The following EPHA2 variants were observed in gnomAD, a reference collection of about 807,000 sequenced individuals.
EPHA2 encodes the protein EPH receptor A2.
Under a neutral mutation model 104.9 loss-of-function variants are expected in EPHA2, and 54 were observed. The observed-to-expected ratio is 0.51, with a 90% CI of 0.41 to 0.65. The LOEUF is 0.65. EPHA2 is among the 30% of genes least tolerant of loss of function. The pLI is 0.00. For synonymous variants in EPHA2, 560 were observed against 559.1 expected, an observed-to-expected ratio of 1.00 and a Z score of -0.02; for missense variants, 1,117 against 1,369.5, an observed-to-expected ratio of 0.82 and a Z score of 2.91.
Position 16,155,911 on chromosome 1 carries a change from C to A in EPHA2, c.22G>T (p.Ala8Ser). Residue 8 changes from alanine (A) to serine (S), a missense_variant, in exon 1 of 17, where the codon GCC (alanine) becomes TCC (serine). Physicochemically the swap from Ala to Ser is moderately conservative, Grantham distance 99 (BLOSUM62 1). This residue lies in a region of EPHA2 where 664 missense variants were observed against 784.8 expected (regional missense o/e 0.85). Coordinates refer to ENST00000358432, the MANE Select transcript of EPHA2 (RefSeq NM_004431.5). Reference protein sequence around the residue: MELQAARACFALLWGCAL... With the variant: MELQAARSCFALLWGCAL... ...CAGCCCCACAGCAGGGCGAAGCAGG[C>A]GCGGGCTGCCTGGAGCTCCATGCCG... The A allele has an allele frequency of 6.7e-7, 1 of 1,488,768 alleles. No homozygotes were observed. The highest frequency in any genetic ancestry group is 8.9e-7 in the Non-Finnish European group (1 of 1,127,000). The allele number at this position is 1,488,768 out of a possible 1,614,324, so 92.2% of individuals were successfully genotyped here.
At chr1:16,151,886 GTCTTCCCT>G (rs1376359980) in intron 1 of EPHA2, among the ~76,000 whole-genome samples, 2 of 152,174 alleles carry the variant, frequency 1.3e-5, no homozygotes, top group Non-Finnish European at 2.9e-5. Context: ...CACTCCCGGG[GTCTTCCCT>G]AGACCTAGTC....
At chr1:16,137,813 G>T in intron 5 of EPHA2, 40 bp downstream of exon 5, 2 of 1,610,426 alleles carry the variant, frequency 1.2e-6, no homozygotes, top group Non-Finnish European at 1.7e-6. Flanking sequence ...CCCCACCTGG[G>T]CAGGCCCCAT....
Position 16,130,129 on chromosome 1 carries a change from C to G in EPHA2, c.2669+97G>C, listed in dbSNP as rs768820504. 62 of 1,537,070 alleles carry G rather than the reference C, an allele frequency of 4.0e-5. No individual in the cohort carries two copies. Among genetic ancestry groups the G allele is most frequent in the South Asian group, 2.7e-4 (24 of 87,786 alleles). ...TAACCTCTTAGCCCCCAGCACCCCC[C>G]CTACCAGCTTCACCTGGGTGGCCAC... On this transcript the variant is annotated intron_variant, in intron 15 of 16. Transcript: ENST00000358432. This position sits in a 1 kb window ranked among gnomAD's most constrained non-coding sequence, Gnocchi z 4.5.
Position 16,137,987 on chromosome 1 carries a change from G to A in EPHA2, c.1178C>T (p.Thr393Ile). Reference protein sequence around the residue: ...VRYSEPPHGLTRTSVTVSDLE... With the variant: ...VRYSEPPHGLIRTSVTVSDLE... Reference sequence around the variant, plus strand: ...GTCGCTCACTGTCACACTGGTGCGGGTCAGTCCGTGAGGAGGCTCCGAGTA... The same window carrying A: ...GTCGCTCACTGTCACACTGGTGCGGATCAGTCCGTGAGGAGGCTCCGAGTA... The change falls in exon 5 of 17, where the codon ACC (threonine) becomes ATC (isoleucine). Residue 393 changes from threonine to isoleucine, a missense_variant. Thr to Ile is a moderately conservative substitution (Grantham distance 89, BLOSUM62 -1). Around this residue, in one of 3 missense-constraint regions of EPHA2, gnomAD observed 664 missense variants for 784.8 expected, o/e 0.85. Coordinates refer to ENST00000358432, the MANE Select transcript of EPHA2 (RefSeq NM_004431.5). The A allele has an allele frequency of 1.2e-6, 2 of 1,614,114 alleles. No individual in the cohort carries two copies. Among genetic ancestry groups the A allele is most frequent in the Non-Finnish European group, 1.7e-6 (2 of 1,180,044 alleles).
chr1:16,137,654 G>A lies in EPHA2; in HGVS notation c.1312+199C>T, dbSNP rs181499355. Among the ~76,000 whole-genome samples the A allele has an allele frequency of 7.2e-5, 11 of 152,366 alleles. No homozygotes were observed. In the South Asian group the frequency reaches 8.3e-4, roughly 11 times the overall value. Reference sequence around the variant, plus strand: ...ATCATAATGTTTTAAGATAATTTACGAATTTGTGTTGGGCCGCATTCAATG... The same window carrying A: ...ATCATAATGTTTTAAGATAATTTACAAATTTGTGTTGGGCCGCATTCAATG... On this transcript the variant is annotated intron_variant, in intron 5 of 16. Transcript: ENST00000358432.
chr1:16,135,595 G>A lies in EPHA2; in HGVS notation c.1428+60C>T. 1 of 1,497,524 alleles carries A rather than the reference G, an allele frequency of 6.7e-7. No homozygotes were observed. Among genetic ancestry groups the A allele is most frequent in the Non-Finnish European group, 9.3e-7 (1 of 1,074,412 alleles). 92.8% of individuals were successfully genotyped at this position (1,497,524 alleles called of 1,614,324 possible). Reference sequence around the variant, plus strand: ...TGGGTGGTTTGGTGATCATCTATGTGACCAGCCTGTCCCCTGCTGTCGGCC... The same window carrying A: ...TGGGTGGTTTGGTGATCATCTATGTAACCAGCCTGTCCCCTGCTGTCGGCC... On this transcript the variant is annotated intron_variant, in intron 6 of 16. Transcript: ENST00000358432. The surrounding 1 kb of genome is among the most constrained non-coding windows in gnomAD (Gnocchi z 4.3).
Position 16,148,488 on chromosome 1 carries a change from G to C in EPHA2, c.713C>G (p.Pro238Arg), listed in dbSNP as rs750596455. The stretch of plus-strand genomic sequence containing the variant: ...GTGCATACGGGGCTCTTCACCCCCC[G>C]GTGGCACCACGGCATGGTCCACACA... ...GTCVDHAVVP[P>R]GGEEPRMHCA... The change falls in exon 3 of 17, where the codon CCG (proline) becomes CGG (arginine). Residue 238 changes from proline (P) to arginine (R), a missense_variant. Physicochemically the swap from Pro to Arg is moderately radical, Grantham distance 103. Coordinates refer to ENST00000358432, the MANE Select transcript of EPHA2 (RefSeq NM_004431.5). This position sits in a 1 kb window ranked among gnomAD's most constrained non-coding sequence, Gnocchi z 4.9. 6.2e-7 allele frequency: 1 copy of C among 1,613,798 alleles called. No individual in the cohort carries two copies. Among genetic ancestry groups the C allele is most frequent in the Middle Eastern group, 1.6e-4 (1 of 6,062 alleles).
Position 16,130,160 on chromosome 1 carries a change from C to G in EPHA2, c.2669+66G>C. ...AGCTTCACCTGGGTGGCCACTCTAC[C>G]GAAGTGGTTCAAGAGTCTGCAGAAG... On this transcript the variant is annotated intron_variant, in intron 15 of 16. Transcript: ENST00000358432. The surrounding 1 kb of genome is among the most constrained non-coding windows in gnomAD (Gnocchi z 4.5). 2 of 1,607,350 alleles carry G rather than the reference C, an allele frequency of 1.2e-6. No individual in the cohort carries two copies. The highest frequency in any genetic ancestry group is 1.7e-6 in the Non-Finnish European group (2 of 1,174,540).
chr1:16,139,219 G>A (rs930825932), intron 3 of EPHA2, among the ~76,000 whole-genome samples: 1 of 152,194 alleles, frequency 6.6e-6, no homozygotes, highest in Non-Finnish European at 1.5e-5. Flanking sequence ...TCCCGCCCCT[G>A]CCCTAAGCCC....
Position 16,133,605 on chromosome 1 carries a change from T to C in EPHA2, c.1740A>G (p.Glu580=), listed in dbSNP as rs2024622655. The C allele has an allele frequency of 6.2e-7, 1 of 1,613,834 alleles. No individual in the cohort carries two copies. The highest frequency in any genetic ancestry group is 8.5e-7 in the Non-Finnish European group (1 of 1,179,966). Residue 580 remains glutamate (E), a splice_region_variant and synonymous_variant, in exon 10 of 17, where the codon GAA becomes GAG. Coordinates refer to ENST00000358432, the MANE Select transcript of EPHA2 (RefSeq NM_004431.5). ...SPEDVYFSKS[E]QLKPLKTYVD... ...CGTATGTCTTCAGGGGCTTCAGTTG[T>C]TCTGGAAGGAGAAGGGGTGGGGTCA...
In EPHA2 at chr1:16,134,533, G is replaced by C. The variant is rs1340234385; in HGVS notation, c.1617C>G (p.Gly539=). The part of the protein sequence containing the change: ...PEGSGNLAVI[G]GVAVGVVLLL... ...GCAGGACCACACCGACAGCCACGCCGCCAATCACCGCCAAGTTGCCAGATC... is the reference window on the plus strand; with the variant it reads ...GCAGGACCACACCGACAGCCACGCCCCCAATCACCGCCAAGTTGCCAGATC... The change falls in exon 8 of 17, where the codon GGC becomes GGG. Residue 539 remains glycine, a synonymous_variant. Transcript: ENST00000358432. The surrounding 1 kb of genome is among the most constrained non-coding windows in gnomAD (Gnocchi z 4.5). 2 of 1,613,968 alleles carry C rather than the reference G, an allele frequency of 1.2e-6. No individual in the cohort carries two copies. The highest frequency in any genetic ancestry group is 1.7e-6 in the Non-Finnish European group (2 of 1,180,024).
At position 16,135,681 on chromosome 1, in the gene EPHA2, T is replaced by C. The variant is rs1237262230; in HGVS notation, c.1402A>G (p.Lys468Glu). The stretch of plus-strand genomic sequence containing the variant: ...TTCTTGCGGTAAGTGACCTCGTACT[T>C]CCACACTCGGCTCTGCTGCGGCGGG... ...IPPPQQSRVW[K>E]YEVTYRKKGD... is the part of the protein sequence containing the mutation. The change falls in exon 6 of 17, where the codon AAG becomes GAG. Residue 468 changes from lysine (K) to glutamate (E), a missense_variant. Lys to Glu is a moderately conservative substitution (Grantham distance 56). Around this residue, in one of 3 missense-constraint regions of EPHA2, gnomAD observed 664 missense variants for 784.8 expected, o/e 0.85. Coordinates refer to ENST00000358432, the MANE Select transcript of EPHA2 (RefSeq NM_004431.5). This position sits in a 1 kb window ranked among gnomAD's most constrained non-coding sequence, Gnocchi z 4.3. 6.2e-7 allele frequency: 1 copy of C among 1,613,852 alleles called. No individual in the cohort carries two copies. The highest frequency in any genetic ancestry group is 8.5e-7 in the Non-Finnish European group (1 of 1,179,976).
intron 3 of EPHA2, among the ~76,000 whole-genome samples, chr1:16,147,644 C>T (rs1444713660): frequency 6.6e-6 from 1 of 151,312 alleles, no homozygotes; most frequent in Non-Finnish European, 1.5e-5. Flanking sequence ...GTGGCAGGCA[C>T]TGACCTAAGC....
At chr1:16,155,569 GCCGCCTGGACTGCAA>G (rs972892485) in intron 1 of EPHA2, 2 of 378,788 alleles carry the variant, frequency 5.3e-6, no homozygotes, top group Non-Finnish European at 9.4e-6. Flanking sequence ...TCCCGAAGTC[GCCGCCTGGACTGCAA>G]CCGCGTGGCC....
chr1:16,134,919 G>C lies in EPHA2; in HGVS notation c.1582+117C>G, dbSNP rs373806028. 105 of 1,512,844 alleles carry C rather than the reference G, an allele frequency of 6.9e-5. 1 individual carries two copies. The East Asian group carries it at 2.1e-3, about 31-fold the overall frequency. 93.7% of individuals were successfully genotyped at this position (1,512,844 alleles called of 1,614,324 possible). Reference sequence around the variant, plus strand: ...AGTCCCCGAAGGGCTGTCCCAGGCCGCCGGTGACCGAGAAAGGGGCATTTC... The same window carrying C: ...AGTCCCCGAAGGGCTGTCCCAGGCCCCCGGTGACCGAGAAAGGGGCATTTC... On this transcript the variant is annotated intron_variant, in intron 7 of 16. Transcript: ENST00000358432. This position sits in a 1 kb window ranked among gnomAD's most constrained non-coding sequence, Gnocchi z 4.5.
In EPHA2 at chr1:16,129,580, G is replaced by T; in HGVS notation, c.2679C>A (p.Ile893=). Residue 893 remains isoleucine (I), a synonymous_variant, in exon 16 of 17, where the codon ATC becomes ATA. Transcript: ENST00000358432. ...CCGAGCCGCTCGTGCTGGGGAGCCG[G>T]ATAGACACGCTGCAACAGGAAGCAC... ...TLADFDPRVS[I]RLPSTSGSEG... is the part of the protein sequence containing the mutation. 1 of 1,610,740 alleles carries T rather than the reference G, an allele frequency of 6.2e-7. No individual in the cohort carries two copies. Among genetic ancestry groups the T allele is most frequent in the Non-Finnish European group, 8.5e-7 (1 of 1,179,582 alleles).
At chr1:16,129,665 C>T (rs2124193716) in intron 15 of EPHA2, 76 bp from the exon 16 acceptor site, 2 of 1,518,128 alleles carry the variant, frequency 1.3e-6, no homozygotes, top group Non-Finnish European at 1.8e-6. Flanking sequence ...TGCTCCCTAA[C>T]CTGGATGATT....
rs1278581197 is a variant in EPHA2, at chr1:16,134,308, C to T, written c.1682+160G>A. Among the ~76,000 whole-genome samples, 1 of 152,098 alleles carries T rather than the reference C, an allele frequency of 6.6e-6. No homozygotes were observed. Among genetic ancestry groups the T allele is most frequent in the African/African-American group, 2.4e-5 (1 of 41,400 alleles). On this transcript the variant is annotated intron_variant, in intron 8 of 16. Coordinates refer to ENST00000358432, the MANE Select transcript of EPHA2 (RefSeq NM_004431.5). This position sits in a 1 kb window ranked among gnomAD's most constrained non-coding sequence, Gnocchi z 4.5. Reference sequence around the variant, plus strand: ...CGGCCCCGCCGCGTGCCAGGCACTTCGCTACACACTCTAACTCGTATATCC... The same window carrying T: ...CGGCCCCGCCGCGTGCCAGGCACTTTGCTACACACTCTAACTCGTATATCC...
At position 16,129,324 on chromosome 1, in the gene EPHA2, A is replaced by G. The variant is rs77811513; in HGVS notation, c.2825+110T>C. The stretch of plus-strand genomic sequence containing the variant: ...AGGAGCCTCTTCCCAGAAGAGAAAG[A>G]ACAAAGAGAGGAGCATTGAGGGGCA... On this transcript the variant is annotated intron_variant, in intron 16 of 16. Coordinates refer to ENST00000358432, the MANE Select transcript of EPHA2 (RefSeq NM_004431.5). 0.049 allele frequency: 65,255 copies of G among 1,339,948 alleles called. 1,865 individuals are homozygous for G. The highest frequency in any genetic ancestry group is 0.083 in the Middle Eastern group (345 of 4,166). The allele number at this position is 1,339,948 out of a possible 1,614,324, so 83.0% of individuals were successfully genotyped here.
Sources: allele counts gnomAD v4.1 joint callset (sites outside exome capture counted in the v4.1 genomes callset), GRCh38; gene constraint gnomAD v4.1.1; regional missense constraint gnomAD v4.1.1; non-coding constraint Gnocchi (gnomAD v3.1); transcripts MANE v1.5; gene names NCBI Gene and HGNC (gene_info 2026-07-23, HGNC 2026-07-21).